ARID1A: variants seen among roughly 807,000 people sequenced by gnomAD.
ARID1A encodes the protein AT-rich interactive domain-containing protein 1A.
In ARID1A, 20 loss-of-function variants were observed where a neutral mutation model predicts 212.6. That is an observed-to-expected ratio of 0.09 (90% CI 0.07 to 0.14). The LOEUF (loss-of-function observed/expected upper bound fraction) is 0.14. Ranked by LOEUF, ARID1A falls within the 10% of genes least tolerant of loss-of-function variation. The pLI, the probability that ARID1A is intolerant of heterozygous loss-of-function variation, is 1.00. For synonymous variants in ARID1A, 1,376 were observed against 1,222.1 expected, an observed-to-expected ratio of 1.13 and a Z score of -2.63; for missense variants, 2,587 against 3,059.0, an observed-to-expected ratio of 0.85 and a Z score of 3.64.
chr1:26,706,292 C>G (rs2080391583), intron 1 of ARID1A, among the ~76,000 whole-genome samples: 1 of 152,130 alleles, frequency 6.6e-6, no homozygotes. Context: ...CACTAGCAGC[C>G]AAGATTTTTG....
chr1:26,775,538 C>T lies in ARID1A; in HGVS notation c.4994-39C>T, dbSNP rs767177808. 7 of 1,611,772 alleles carry T rather than the reference C, an allele frequency of 4.3e-6. No homozygotes were observed. In the African/African-American group the frequency reaches 9.3e-5, roughly 22 times the overall value. ...AGCCCTAGGGGTGCCTCCAGCCAAC[C>T]TGGGCTTGGTGGATAGACGACATGG... On this transcript the variant is annotated intron_variant, in intron 18 of 19. Coordinates refer to ENST00000324856, the MANE Select transcript of ARID1A (RefSeq NM_006015.6).
At chr1:26,776,558 C>T (rs1347785037) in intron 19 of ARID1A, among the ~76,000 whole-genome samples, 2 of 152,198 alleles carry the variant, frequency 1.3e-5, no homozygotes, top group African/African-American at 4.8e-5. Flanking sequence ...CAGGCGTGAG[C>T]AACCGCGCCC....
At chr1:26,762,447 C>G in intron 7 of ARID1A, 128 bp downstream of exon 7, 2 of 1,096,662 alleles carry the variant, frequency 1.8e-6, no homozygotes, top group Non-Finnish European at 2.5e-6. Context: ...TCCACCCAGC[C>G]CAGGCCCTGA....
chr1:26,723,375 C>G (rs1026659918), intron 1 of ARID1A, among the ~76,000 whole-genome samples: 1 of 152,172 alleles, frequency 6.6e-6, no homozygotes, highest in Non-Finnish European at 1.5e-5. Context: ...CAACAGCTGT[C>G]GCCTGTCCCT....
intron 4 of ARID1A, among the ~76,000 whole-genome samples, chr1:26,759,168 T>C (rs1251291276): frequency 1.3e-5 from 2 of 152,110 alleles, no homozygotes; most frequent in African/African-American, 2.4e-5. Flanking sequence ...TCCTCCTCCT[T>C]GAGATGTGTG....
intron 4 of ARID1A, among the ~76,000 whole-genome samples, chr1:26,759,679 T>C (rs1201516715): frequency 6.6e-6 from 1 of 152,204 alleles, no homozygotes. Context: ...CATATTGAGC[T>C]CCTGTTTGCT....
chr1:26,749,465 T>C (rs1372856234), intron 4 of ARID1A, among the ~76,000 whole-genome samples: 1 of 151,842 alleles, frequency 6.6e-6, no homozygotes, highest in Non-Finnish European at 1.5e-5. Context: ...TCTGTAGGAG[T>C]AGAATATCGA....
intron 4 of ARID1A, among the ~76,000 whole-genome samples, chr1:26,749,343 G>A (rs998481109): frequency 6.6e-6 from 1 of 152,084 alleles, no homozygotes; most frequent in Admixed American, 6.6e-5. Context: ...TCCTTTGCCA[G>A]TTCTCATTGT....
At chr1:26,705,149 T>C (rs1383765855) in intron 1 of ARID1A, among the ~76,000 whole-genome samples, 1 of 152,136 alleles carries the variant, frequency 6.6e-6, no homozygotes, top group African/African-American at 2.4e-5. Flanking sequence ...AGACCTTTTT[T>C]TTTTTTTGAG....
rs763356043 is a variant in ARID1A at position 26,780,240 on chromosome 1, G to A, written c.6342G>A (p.Pro2114=). ...STLGPNAVLS[P]QRLVLETLSK... is the part of the protein sequence containing the mutation. The stretch of plus-strand genomic sequence containing the variant: ...TGGGCCCCAATGCCGTCCTTTCCCC[G>A]CAGAGACTGGTCTTGGAAACCCTCA... The change falls in exon 20 of 20, where the codon CCG becomes CCA. Residue 2114 remains proline (P), a synonymous_variant. Coordinates refer to ENST00000324856, the MANE Select transcript of ARID1A (RefSeq NM_006015.6). The surrounding 1 kb of genome is among the most constrained non-coding windows in gnomAD (Gnocchi z 7.2). 27 of 1,613,982 alleles carry A rather than the reference G, an allele frequency of 1.7e-5. No individual in the cohort carries two copies. Among genetic ancestry groups the A allele is most frequent in the Admixed American group, 5.0e-5 (3 of 60,000 alleles).
intron 4 of ARID1A, among the ~76,000 whole-genome samples, chr1:26,760,290 A>G (rs1300441165): frequency 2.0e-5 from 3 of 152,214 alleles, no homozygotes; most frequent in African/African-American, 7.2e-5. Flanking sequence ...CTGTTGCACT[A>G]TAGTGTCAGA....
chr1:26,763,820 GCT>G (rs2081015134), intron 8 of ARID1A, among the ~76,000 whole-genome samples: 1 of 152,122 alleles, frequency 6.6e-6, no homozygotes, highest in African/African-American at 2.4e-5. Flanking sequence ...ACAGGACCCT[GCT>G]CTGTTCCCCA....
At position 26,696,278 on chromosome 1, in the gene ARID1A, G is replaced by T; in HGVS notation, c.-126G>T. The T allele has an allele frequency of 9.2e-7, 1 of 1,088,138 alleles. No homozygotes were observed. The allele number at this position is 1,088,138 out of a possible 1,614,324, so 67.4% of individuals were successfully genotyped here. ...GGAGCGAGCGCAGCGCAGCAGCGGAGCCCCGCGAGGCCCGCCCGGGCGGGT... is the reference window on the plus strand; with the variant it reads ...GGAGCGAGCGCAGCGCAGCAGCGGATCCCCGCGAGGCCCGCCCGGGCGGGT... On this transcript the variant is annotated 5_prime_UTR_variant, in exon 1 of 20. Transcript: ENST00000324856.
intron 1 of ARID1A, chr1:26,729,270 C>A: frequency 4.6e-6 from 1 of 218,036 alleles, no homozygotes; most frequent in South Asian, 7.6e-5. Flanking sequence ...TTTGAATTCC[C>A]CGTCATGGTA....
At position 26,780,777 on chromosome 1, in the gene ARID1A, C is replaced by CG. The variant is rs760439531; in HGVS notation, c.*21_*22insG. 34 of 1,543,698 alleles carry CG rather than the reference C, an allele frequency of 2.2e-5. No individual in the cohort carries two copies. The highest frequency in any genetic ancestry group is 2.9e-5 in the Non-Finnish European group (33 of 1,146,178). On this transcript the variant is annotated 3_prime_UTR_variant, in exon 20 of 20. Coordinates refer to ENST00000324856, the MANE Select transcript of ARID1A (RefSeq NM_006015.6). The surrounding 1 kb of genome is among the most constrained non-coding windows in gnomAD (Gnocchi z 7.2). ...CATGACAGCCGTGGGACACCTCCCC[C>CG]CCCCGTGTGTGTGTGCGTGTGTGGA...
At chr1:26,751,810 A>G (rs2080887502) in intron 4 of ARID1A, among the ~76,000 whole-genome samples, 1 of 152,116 alleles carries the variant, frequency 6.6e-6, no homozygotes, top group African/African-American at 2.4e-5. Context: ...CCTCTTGGAG[A>G]CGGGCCCCTG....
At chr1:26,747,808 C>T (rs918217475) in intron 4 of ARID1A, among the ~76,000 whole-genome samples, 1 of 152,076 alleles carries the variant, frequency 6.6e-6, no homozygotes, top group South Asian at 2.1e-4. Context: ...TATGCTTGCA[C>T]GACTGCACTC....
chr1:26,709,914 C>T (rs1295821409), intron 1 of ARID1A, among the ~76,000 whole-genome samples: 2 of 151,448 alleles, frequency 1.3e-5, no homozygotes, highest in African/African-American at 2.4e-5. Flanking sequence ...TCACTGCAAC[C>T]TCCGCCTCCT....
At chr1:26,757,275 G>A (rs1298922665) in intron 4 of ARID1A, among the ~76,000 whole-genome samples, 3 of 149,476 alleles carry the variant, frequency 2.0e-5, no homozygotes, top group Admixed American at 1.3e-4. Context: ...AGACCATCCT[G>A]GCTAACATGG....
Sources: allele counts gnomAD v4.1 joint callset (sites outside exome capture counted in the v4.1 genomes callset), GRCh38; gene constraint gnomAD v4.1.1; non-coding constraint Gnocchi (gnomAD v3.1); transcripts MANE v1.5; gene names NCBI Gene and HGNC (gene_info 2026-07-23, HGNC 2026-07-21).